Variants in ARVCF observed in about 807,000 individuals in gnomAD.
ARVCF encodes the protein splicing regulator ARVCF.
In ARVCF, 66 loss-of-function variants were observed where a neutral mutation model predicts 90.9. That is an observed-to-expected ratio of 0.73 (90% CI 0.60 to 0.89). The LOEUF is 0.89. ARVCF is among the 40% of genes least tolerant of loss of function. The pLI, the probability that ARVCF is intolerant of heterozygous loss-of-function variation, is 0.00. For missense variants in ARVCF, 1,469 were observed against 1,382.3 expected (o/e 1.06, Z -1.00); for synonymous variants, 653 against 603.4 (o/e 1.08, Z -1.21).
chr22:20,007,860 T>C (rs1266378363), intron 2 of ARVCF, among the ~76,000 whole-genome samples: 1 of 152,260 alleles, frequency 6.6e-6, no homozygotes, highest in Non-Finnish European at 1.5e-5. Context: ...TCAGGTATTC[T>C]GATACAGCAG....
At chr22:19,975,419 C>T (rs540746257) in intron 11 of ARVCF, among the ~76,000 whole-genome samples, 1 of 152,324 alleles carries the variant, frequency 6.6e-6, no homozygotes, top group East Asian at 1.9e-4. Context: ...TCTTACGCAC[C>T]GTGAGGCCGA....
chr22:19,971,790 GC>G, intron 18 of ARVCF, 95 bp downstream of exon 18: 1 of 1,346,798 alleles, frequency 7.4e-7, no homozygotes. Flanking sequence ...GTACCCCAGG[GC>G]CCAGACCAGA....
chr22:19,981,056 C>T (rs775064208), intron 5 of ARVCF, 155 bp downstream of exon 5: 26 of 1,031,550 alleles, frequency 2.5e-5, no homozygotes, highest in South Asian at 3.5e-5. Flanking sequence ...CCAGGGTCCA[C>T]CTTTCTTCTG....
Position 19,973,289 on chromosome 22 carries a change from C to G in ARVCF, c.2268G>C (p.Arg756=), listed in dbSNP as rs1462057431. The part of the protein sequence containing the change: ...IGSYAMAELV[R]NVRNAQAPPR... ...GCGGAGCCTGTGCATTGCGCACATTCCGCACAAGCTCAGCCATGGCGTAGC... is the reference window on the plus strand; with the variant it reads ...GCGGAGCCTGTGCATTGCGCACATTGCGCACAAGCTCAGCCATGGCGTAGC... The change falls in exon 14 of 20, where the codon CGG becomes CGC. Residue 756 remains arginine (R), a synonymous_variant. Coordinates refer to ENST00000263207, the MANE Select transcript of ARVCF (RefSeq NM_001670.3). 1 of 1,605,252 alleles carries G rather than the reference C, an allele frequency of 6.2e-7. No homozygotes were observed. The highest frequency in any genetic ancestry group is 8.5e-7 in the Non-Finnish European group (1 of 1,178,508).
rs763247714 is a variant in ARVCF at position 19,975,703 on chromosome 22, C to T, written c.1943G>A (p.Arg648Gln). Reference sequence around the variant, plus strand: ...CCACTCACCTTTGGCGGCCTCAGTTCGCTTGGGCAGGTCTAGCGTGTCAAA... The same window carrying T: ...CCACTCACCTTTGGCGGCCTCAGTTTGCTTGGGCAGGTCTAGCGTGTCAAA... ...RNFDTLDLPK[R>Q]TEAAKGFELL... The change falls in exon 11 of 20, where the codon CGA becomes CAA. Residue 648 changes from arginine (R) to glutamine (Q), a missense_variant. Transcript: ENST00000263207. 1.1e-5 allele frequency: 17 copies of T among 1,613,542 alleles called. No individual in the cohort carries two copies. The highest frequency in any genetic ancestry group is 2.2e-5 in the South Asian group (2 of 91,080).
rs763160044 is a variant in ARVCF, at chr22:19,971,311, G to C, written c.2806C>G (p.Pro936Ala). The C allele has an allele frequency of 1.1e-5, 17 of 1,555,674 alleles. No homozygotes were observed. Among genetic ancestry groups the C allele is most frequent in the Non-Finnish European group, 1.5e-5 (17 of 1,149,198 alleles). ...LKLDPSRKAP[P>A]PGPSRPAVRL... ...ACCGCGGGCCTGCTGGGCCCGGGGG[G>C]AGGGGCCTTCCTGCTGGGGTCGAGC... Residue 936 changes from proline to alanine, a missense_variant, in exon 19 of 20, where the codon CCC (proline) becomes GCC (alanine). Pro to Ala is a conservative substitution (Grantham distance 27). Coordinates refer to ENST00000263207, the MANE Select transcript of ARVCF (RefSeq NM_001670.3).
In ARVCF at chr22:19,974,554, G is replaced by C. The variant is rs182360215; in HGVS notation, c.1961-315C>G. Reference sequence around the variant, plus strand: ...GCAACAAGACCCGCATTTCCCGGTAGGTCCCTGAAGCTATGCATCCTGGCC... The same window carrying C: ...GCAACAAGACCCGCATTTCCCGGTACGTCCCTGAAGCTATGCATCCTGGCC... On this transcript the variant is annotated intron_variant, in intron 11 of 19. Transcript: ENST00000263207. Among the ~76,000 whole-genome samples, 65 of 152,180 alleles carry C rather than the reference G, an allele frequency of 4.3e-4. 2 individuals carry two copies. In the East Asian group the frequency reaches 0.012, roughly 28 times the overall value.
intron 3 of ARVCF, among the ~76,000 whole-genome samples, chr22:19,982,449 C>T (rs1333528705): frequency 1.3e-5 from 2 of 152,152 alleles, no homozygotes; most frequent in East Asian, 1.9e-4. Context: ...CTGGCTGCCA[C>T]AGGCTCCTCC....
At chr22:19,966,392 C>G (rs1293688349), downstream of ARVCF, among the ~76,000 whole-genome samples, 1 of 150,668 alleles carries the variant, frequency 6.6e-6, no homozygotes, top group South Asian at 2.1e-4. Flanking sequence ...GCTGTAGTCA[C>G]CAAGTCCAGC....
chr22:20,011,814 A>G (rs1759766000), intron 1 of ARVCF, among the ~76,000 whole-genome samples: 1 of 152,030 alleles, frequency 6.6e-6, no homozygotes, highest in African/African-American at 2.4e-5. Context: ...CTCTGGTTTT[A>G]GCTTAAGTGT....
intron 2 of ARVCF, among the ~76,000 whole-genome samples, chr22:20,001,012 T>C (rs2146443581): frequency 6.6e-6 from 1 of 152,246 alleles, no homozygotes; most frequent in South Asian, 2.1e-4. Flanking sequence ...GACCCACAGC[T>C]GCCCCACAGG....
At position 19,975,759 on chromosome 22, in the gene ARVCF, TG is replaced by T. The variant is rs774527261; in HGVS notation, c.1889-3del. On this transcript the variant is annotated splice_polypyrimidine_tract_variant and splice_region_variant and intron_variant, in intron 10 of 19. Transcript: ENST00000263207. The stretch of plus-strand genomic sequence containing the variant: ...GGTCCATCTCACCATCCTTCTTTCC[TG>T]GAAGGGAAAGGTGGTGGGAGGTGAG... The T allele has an allele frequency of 6.2e-7, 1 of 1,613,372 alleles. No homozygotes were observed. Among genetic ancestry groups the T allele is most frequent in the African/African-American group, 1.3e-5 (1 of 75,024 alleles).
Position 19,981,312 on chromosome 22 carries a change from CGT to C in ARVCF, c.793_794del (p.Thr265AlafsTer6), listed in dbSNP as rs1241094832. The C allele has an allele frequency of 1.3e-6, 2 of 1,598,804 alleles. No homozygotes were observed. Among genetic ancestry groups the C allele is most frequent in the East Asian group, 2.3e-5 (1 of 43,882 alleles). On this transcript the variant is annotated frameshift_variant, in exon 5 of 20. Coordinates refer to ENST00000263207, the MANE Select transcript of ARVCF (RefSeq NM_001670.3). LOFTEE classifies it high-confidence loss of function. Reference protein sequence around the residue: ...QAEPYGLEDDTRSLAADDEGG... With the variant: ...QAEPYGLEDDXRSLAADDEGG... ...CCTCGTCATCAGCGGCCAGGCTGCG[CGT>C]GTCATCCTCCAAGCCATACGGCTCT...
rs561247642 is a variant in ARVCF at position 20,008,642 on chromosome 22, C to T, written c.-19+1813G>A. On this transcript the variant is annotated intron_variant, in intron 2 of 19. Coordinates refer to ENST00000263207, the MANE Select transcript of ARVCF (RefSeq NM_001670.3). ...CCCCTGTCCCAGCTGAGCCCTGAGG[C>T]TCCCTCCCCAGCTGCCTCCCGCTGT... 7.9e-5 allele frequency among the ~76,000 whole-genome samples: 12 copies of T among 152,328 alleles called. No homozygotes were observed. The East Asian group carries it at 2.3e-3, about 29-fold the overall frequency.
chr22:20,004,282 G>T (rs1944542325), intron 2 of ARVCF, among the ~76,000 whole-genome samples: 1 of 152,078 alleles, frequency 6.6e-6, no homozygotes, highest in Non-Finnish European at 1.5e-5. Flanking sequence ...CTGTCACAAT[G>T]ACGATACTAC....
chr22:19,989,969 G>C (rs1024699747), intron 3 of ARVCF, among the ~76,000 whole-genome samples: 1 of 152,212 alleles, frequency 6.6e-6, no homozygotes, highest in Non-Finnish European at 1.5e-5. Context: ...CAAGCCAGGG[G>C]CTCTTGCTGT....
chr22:20,016,440 C>G (rs909267405), intron 1 of ARVCF, 149 bp downstream of exon 1: 2 of 152,162 alleles, frequency 1.3e-5, no homozygotes, highest in African/African-American at 4.8e-5. Context: ...CCGGCCCAGA[C>G]CCTCGCCCGG....
At chr22:19,989,281 C>T (rs761228313) in intron 3 of ARVCF, among the ~76,000 whole-genome samples, 1 of 152,050 alleles carries the variant, frequency 6.6e-6, no homozygotes, top group South Asian at 2.1e-4. Flanking sequence ...TAGTGAGTCT[C>T]GGACCCTCTG....
intron 16 of ARVCF, 116 bp downstream of exon 16, chr22:19,972,621 C>T: frequency 2.4e-6 from 3 of 1,233,788 alleles, no homozygotes; most frequent in East Asian, 2.6e-5. Context: ...GGGAAAGTGG[C>T]CTATGGAAGC....
Sources: gnomAD v4.1 joint callset for allele counts (sites outside exome capture counted in the v4.1 genomes callset) on GRCh38, gnomAD v4.1.1 for gene constraint, MANE v1.5 for transcripts, NCBI Gene and HGNC (gene_info 2026-07-23, HGNC 2026-07-21) for gene names.